The following WDR7 variants were observed in gnomAD, a reference collection of about 807,000 sequenced individuals.
WDR7 encodes WD repeat domain 7.
WDR7 carries 46 observed loss-of-function variants against 169.4 expected under a neutral mutation model. That is an observed-to-expected ratio of 0.27 (90% CI 0.21 to 0.35). The LOEUF (loss-of-function observed/expected upper bound fraction) is 0.35. WDR7 is among the 10% of genes least tolerant of loss of function. WDR7 has a pLI of 1.00. For synonymous variants in WDR7, 612 were observed against 666.8 expected, an observed-to-expected ratio of 0.92 and a Z score of 1.27; for missense variants, 1,534 against 1,859.3, an observed-to-expected ratio of 0.83 and a Z score of 3.22.
chr18:56,716,289 A>G (rs1208108970), intron 12 of WDR7, among the ~76,000 whole-genome samples: 2 of 152,178 alleles, frequency 1.3e-5, no homozygotes, highest in Non-Finnish European at 2.9e-5. Flanking sequence ...AAATTCTATT[A>G]ACGTTTTAAT....
chr18:56,839,484 G>A (rs1246087284), intron 20 of WDR7, among the ~76,000 whole-genome samples: 2 of 152,054 alleles, frequency 1.3e-5, no homozygotes, highest in East Asian at 1.9e-4. Context: ...ACTATGACTC[G>A]TCTATAATGT....
At chr18:57,022,234 C>T (rs1189856350) in intron 27 of WDR7, among the ~76,000 whole-genome samples, 1 of 152,116 alleles carries the variant, frequency 6.6e-6, no homozygotes, top group African/African-American at 2.4e-5. Context: ...TTTTTGGGGT[C>T]CCCCCCGCCG....
intron 21 of WDR7, among the ~76,000 whole-genome samples, chr18:56,892,320 G>T (rs1247121067): frequency 6.6e-6 from 1 of 152,090 alleles, no homozygotes; most frequent in Non-Finnish European, 1.5e-5. Flanking sequence ...TGTTCTGTCT[G>T]CTTTTATACA....
At chr18:56,833,441 G>A (rs1050649822) in intron 20 of WDR7, among the ~76,000 whole-genome samples, 4 of 152,080 alleles carry the variant, frequency 2.6e-5, no homozygotes, top group Non-Finnish European at 5.9e-5. Flanking sequence ...TGCATGTTCT[G>A]CACATGTATC....
intron 21 of WDR7, among the ~76,000 whole-genome samples, chr18:56,898,513 G>A (rs144385930): frequency 1.9e-3 from 290 of 152,152 alleles, no homozygotes; most frequent in African/African-American, 6.6e-3. Flanking sequence ...ATGAAGGGTA[G>A]CGTTGTCAGT....
At chr18:56,655,116 G>C (rs1049530486) in intron 1 of WDR7, among the ~76,000 whole-genome samples, 2 of 152,054 alleles carry the variant, frequency 1.3e-5, no homozygotes, top group Admixed American at 6.5e-5. Flanking sequence ...ATAATTATAG[G>C]TTCATAGGAA....
intron 15 of WDR7, among the ~76,000 whole-genome samples, chr18:56,758,286 A>AT (rs1196282732): frequency 5.9e-5 from 9 of 152,356 alleles, no homozygotes; most frequent in Admixed American, 4.6e-4. Flanking sequence ...TAAGTACTTT[A>AT]TAAAAACTAA....
At chr18:56,774,892 T>C (rs1253391364) in intron 16 of WDR7, among the ~76,000 whole-genome samples, 1 of 152,110 alleles carries the variant, frequency 6.6e-6, no homozygotes, top group East Asian at 1.9e-4. Context: ...TGAGTGTAAA[T>C]GCCTTTTTTT....
intron 2 of WDR7, among the ~76,000 whole-genome samples, chr18:56,675,879 G>A (rs1022565152): frequency 3.3e-5 from 5 of 151,800 alleles, no homozygotes; most frequent in African/African-American, 1.2e-4. Flanking sequence ...CCAGGCTGGG[G>A]TGCAATGATA....
intron 13 of WDR7, among the ~76,000 whole-genome samples, chr18:56,730,783 A>T (rs1403325357): frequency 2.6e-5 from 4 of 152,100 alleles, no homozygotes; most frequent in South Asian, 2.1e-4. Context: ...TAAAAAATAA[A>T]AAATAAATAA....
At chr18:56,912,678 A>G (rs1443141783) in intron 21 of WDR7, among the ~76,000 whole-genome samples, 1 of 152,064 alleles carries the variant, frequency 6.6e-6, no homozygotes, top group East Asian at 1.9e-4. Flanking sequence ...AATTCCAACT[A>G]TGTTAAACCT....
downstream of WDR7, chr18:57,033,884 A>G (rs566301374): frequency 8.5e-5 from 13 of 152,258 alleles, no homozygotes; most frequent in African/African-American, 3.1e-4. Flanking sequence ...GTGGTGGCTC[A>G]TGCCTGTAAT....
chr18:56,894,135 T>C (rs996574453), intron 21 of WDR7, among the ~76,000 whole-genome samples: 1 of 152,016 alleles, frequency 6.6e-6, no homozygotes, highest in African/African-American at 2.4e-5. Flanking sequence ...GTCAGCTATT[T>C]CTCACCACCT....
chr18:56,949,949 A>T (rs943189855), intron 25 of WDR7, among the ~76,000 whole-genome samples: 1 of 152,206 alleles, frequency 6.6e-6, no homozygotes, highest in African/African-American at 2.4e-5. Flanking sequence ...TTTTTACTTA[A>T]AAGCTTGAAT....
In WDR7 at chr18:56,757,181, C is replaced by T. The variant is rs773104203; in HGVS notation, c.2588C>T (p.Thr863Ile). Residue 863 changes from threonine to isoleucine, a missense_variant, in exon 15 of 28, where the codon ACA becomes ATA. By Grantham distance (89) the Thr-to-Ile change is moderately conservative. Transcript: ENST00000254442. Reference sequence around the variant, plus strand: ...GCTTGTAAACTGTCACATGGGAAAACAGAAGTAGGAAGGAAGCTGCCAGCG... The same window carrying T: ...GCTTGTAAACTGTCACATGGGAAAATAGAAGTAGGAAGGAAGCTGCCAGCG... ...QPACKLSHGK[T>I]EVGRKLPASE... 6.8e-6 allele frequency: 11 copies of T among 1,613,994 alleles called. No individual in the cohort carries two copies. Among genetic ancestry groups the T allele is most frequent in the East Asian group, 2.2e-5 (1 of 44,876 alleles).
At chr18:57,016,414 G>A (rs1317248291) in intron 26 of WDR7, among the ~76,000 whole-genome samples, 10 of 152,108 alleles carry the variant, frequency 6.6e-5, no homozygotes, top group African/African-American at 2.4e-4. Flanking sequence ...AAATGGTTTA[G>A]ATAGGATTTT....
intron 16 of WDR7, among the ~76,000 whole-genome samples, chr18:56,764,459 G>A (rs2144983913): frequency 6.6e-6 from 1 of 152,158 alleles, no homozygotes. Context: ...ACAACATGAT[G>A]TTTTGATACA....
chr18:57,035,718 T>C, the WDR7 span: 1 of 152,254 alleles, frequency 6.6e-6, no homozygotes. Context: ...AATACAGACC[T>C]GGTGGGTGCA....
intron 7 of WDR7, among the ~76,000 whole-genome samples, chr18:56,690,886 A>G (rs1406550351): frequency 6.6e-6 from 1 of 152,080 alleles, no homozygotes; most frequent in African/African-American, 2.4e-5. Context: ...TTTGAGGTTG[A>G]TTCCCTATTA....
Sources: gnomAD v4.1 joint callset for allele counts (sites outside exome capture counted in the v4.1 genomes callset) on GRCh38, gnomAD v4.1.1 for gene constraint, MANE v1.5 for transcripts, NCBI Gene and HGNC (gene_info 2026-07-23, HGNC 2026-07-21) for gene names.